CDC14A: variants seen among roughly 807,000 people sequenced by gnomAD.
The protein encoded by CDC14A is dual specificity protein phosphatase CDC14A.
A neutral mutation model predicts 74.4 loss-of-function variants in CDC14A; 53 were observed. That is an observed-to-expected ratio of 0.71 (90% CI 0.57 to 0.89). CDC14A has a LOEUF of 0.89. Ranked by LOEUF, CDC14A falls within the 40% of genes least tolerant of loss-of-function variation. CDC14A has a pLI of 0.00. For synonymous variants in CDC14A, 247 were observed against 258.4 expected (o/e 0.96, Z 0.43); for missense variants, 646 against 713.7 (o/e 0.91, Z 1.08).
chr1:100,371,486 G>T (rs753379148), intron 2 of CDC14A, among the ~76,000 whole-genome samples: 2 of 152,132 alleles, frequency 1.3e-5, no homozygotes, highest in Non-Finnish European at 2.9e-5. Flanking sequence ...TGCCCAGTTT[G>T]TTAAGGATTT....
intron 3 of CDC14A, among the ~76,000 whole-genome samples, chr1:100,385,730 C>G (rs918546380): frequency 2.0e-5 from 3 of 152,080 alleles, no homozygotes; most frequent in Non-Finnish European, 4.4e-5. Flanking sequence ...TGCCCAGGAC[C>G]CCTAGTCTGG....
At chr1:100,355,216 G>A (rs1651718438) in intron 2 of CDC14A, among the ~76,000 whole-genome samples, 2 of 152,178 alleles carry the variant, frequency 1.3e-5, no homozygotes, top group African/African-American at 4.8e-5. Context: ...TTGGGAATGT[G>A]CATTGTTGTG....
At chr1:100,468,127 C>A in intron 10 of CDC14A, 33 bp downstream of exon 10, 1 of 1,611,400 alleles carries the variant, frequency 6.2e-7, no homozygotes, top group South Asian at 1.1e-5. Context: ...CACATTATAT[C>A]CTGTTCTTGA....
At chr1:100,412,184 T>G (rs1024893897) in intron 4 of CDC14A, among the ~76,000 whole-genome samples, 1 of 152,176 alleles carries the variant, frequency 6.6e-6, no homozygotes, top group African/African-American at 2.4e-5. Context: ...AAAACTCACC[T>G]TTTAGAATGT....
intron 7 of CDC14A, among the ~76,000 whole-genome samples, chr1:100,452,921 T>G (rs1040202143): frequency 3.9e-5 from 6 of 152,232 alleles, no homozygotes; most frequent in African/African-American, 1.4e-4. Flanking sequence ...TCATATAAAG[T>G]ATTTTATTAT....
At chr1:100,437,209 G>A (rs1266086152) in intron 5 of CDC14A, among the ~76,000 whole-genome samples, 1 of 152,110 alleles carries the variant, frequency 6.6e-6, no homozygotes, top group Admixed American at 6.5e-5. Context: ...TCTCCTTTTA[G>A]TGGGGTTCGG....
intron 7 of CDC14A, among the ~76,000 whole-genome samples, chr1:100,446,070 T>C (rs1308317585): frequency 6.6e-6 from 1 of 152,236 alleles, no homozygotes; most frequent in African/African-American, 2.4e-5. Flanking sequence ...TTTGGTGAAC[T>C]TGTGGAATAG....
At chr1:100,479,888 A>G (rs1297670729) in intron 10 of CDC14A, among the ~76,000 whole-genome samples, 7 of 152,232 alleles carry the variant, frequency 4.6e-5, no homozygotes. Flanking sequence ...ATGTATCAGA[A>G]TCTTTGGCAG....
chr1:100,384,100 A>G (rs919861273), intron 3 of CDC14A, among the ~76,000 whole-genome samples: 5 of 152,192 alleles, frequency 3.3e-5, no homozygotes, highest in African/African-American at 1.2e-4. Flanking sequence ...CTTGTGTTTT[A>G]CAAGGAGTGA....
Position 100,424,380 on chromosome 1 carries a change from A to C in CDC14A, c.389+79A>C. The C allele has an allele frequency of 3.1e-6, 3 of 962,140 alleles. No homozygotes were observed. The South Asian group carries it at 3.9e-5, about 12-fold the overall frequency. 59.6% of individuals were successfully genotyped at this position (962,140 alleles called of 1,614,324 possible). On this transcript the variant is annotated intron_variant, in intron 5 of 15. Coordinates refer to ENST00000336454, the MANE Select transcript of CDC14A (RefSeq NM_003672.4). ...TAGAGTTGGGTTGTAGTGTTTTTTA[A>C]TTGTCTTAAGATAATAACCATTATG... is the stretch of plus-strand genomic sequence containing the variant.
At chr1:100,483,239 C>T (rs1055231786) in intron 10 of CDC14A, among the ~76,000 whole-genome samples, 6 of 152,066 alleles carry the variant, frequency 3.9e-5, no homozygotes, top group Non-Finnish European at 7.4e-5. Flanking sequence ...CTCTCTGCAA[C>T]TTCACCAGCA....
chr1:100,395,995 A>G (rs1006482643), intron 4 of CDC14A, among the ~76,000 whole-genome samples: 1 of 152,174 alleles, frequency 6.6e-6, no homozygotes, highest in African/African-American at 2.4e-5. Context: ...CATCCTTTAG[A>G]CCTTTGTTGC....
rs1367452478 is a variant in CDC14A at position 100,468,067 on chromosome 1, T to C, written c.950T>C (p.Ile317Thr). ...WIRICRPGSIIGPQQHFLEEK... is the reference protein window; with the variant it reads ...WIRICRPGSITGPQQHFLEEK... ...AGAATATGCCGGCCAGGCTCTATTA[T>C]AGGACCCCAGCAGCACTTCCTGGAA... is the stretch of plus-strand genomic sequence containing the variant. The change falls in exon 10 of 16, where the codon ATA (isoleucine) becomes ACA (threonine). Residue 317 changes from isoleucine (I) to threonine (T), a missense_variant. Coordinates refer to ENST00000336454, the MANE Select transcript of CDC14A (RefSeq NM_003672.4). 6.2e-7 allele frequency: 1 copy of C among 1,613,758 alleles called. No individual in the cohort carries two copies. Among genetic ancestry groups the C allele is most frequent in the Admixed American group, 1.7e-5 (1 of 59,962 alleles).
At chr1:100,422,314 G>C (rs534529304) in intron 4 of CDC14A, among the ~76,000 whole-genome samples, 1 of 152,278 alleles carries the variant, frequency 6.6e-6, no homozygotes, top group South Asian at 2.1e-4. Context: ...TAACGTAATT[G>C]CTCCTGGGGA....
At chr1:100,463,116 C>T (rs1267836833) in intron 9 of CDC14A, among the ~76,000 whole-genome samples, 1 of 152,126 alleles carries the variant, frequency 6.6e-6, no homozygotes, top group African/African-American at 2.4e-5. Flanking sequence ...TCAGACCTTA[C>T]CTTTCCAGGC....
At chr1:100,379,476 T>C (rs1306724691) in intron 3 of CDC14A, among the ~76,000 whole-genome samples, 1 of 152,160 alleles carries the variant, frequency 6.6e-6, no homozygotes, top group African/African-American at 2.4e-5. Flanking sequence ...AAGTCATGAG[T>C]TGTCTCAATG....
At chr1:100,489,293 A>G (rs1290411120) in intron 11 of CDC14A, among the ~76,000 whole-genome samples, 1 of 151,938 alleles carries the variant, frequency 6.6e-6, no homozygotes, top group Non-Finnish European at 1.5e-5. Context: ...TTGGACTTCT[A>G]TTTTTACTCA....
At chr1:100,475,465 C>G (rs1399422833) in intron 10 of CDC14A, among the ~76,000 whole-genome samples, 3 of 152,128 alleles carry the variant, frequency 2.0e-5, no homozygotes, top group Non-Finnish European at 4.4e-5. Context: ...TGGACATTTT[C>G]CTAGTATGTT....
At chr1:100,440,205 C>T (rs1664772595) in intron 6 of CDC14A, among the ~76,000 whole-genome samples, 1 of 152,120 alleles carries the variant, frequency 6.6e-6, no homozygotes, top group African/African-American at 2.4e-5. Flanking sequence ...CTTTCTTTGT[C>T]GTTTAAACTA....
Sources: allele counts gnomAD v4.1 joint callset (sites outside exome capture counted in the v4.1 genomes callset), GRCh38; gene constraint gnomAD v4.1.1; transcripts MANE v1.5; gene names NCBI Gene and HGNC (gene_info 2026-07-23, HGNC 2026-07-21).